SLC25A20: variants seen among roughly 807,000 people sequenced by gnomAD.
SLC25A20 encodes the protein mitochondrial carnitine/acylcarnitine carrier protein.
In SLC25A20, 29 loss-of-function variants were observed where a neutral mutation model predicts 39.7. The ratio of observed to expected loss-of-function variants is 0.73; its 90% CI spans 0.54 to 1.00. The LOEUF is 1.00. SLC25A20 is among the 50% of genes least tolerant of loss of function. The pLI, the probability that SLC25A20 is intolerant of heterozygous loss-of-function variation, is 0.00. For synonymous variants in SLC25A20, 103 were observed against 142.2 expected (o/e 0.72, Z 1.96); for missense variants, 333 against 379.9 (o/e 0.88, Z 1.03).
intron 1 of SLC25A20, among the ~76,000 whole-genome samples, chr3:48,897,365 ATAT>A (rs1413514172): frequency 5.6e-4 from 58 of 104,322 alleles, no homozygotes; most frequent in East Asian, 5.2e-3. Flanking sequence ...ATATATATAT[ATAT>A]TTTTTTTTTT....
chr3:48,874,856 G>A (rs2083742669), intron 4 of SLC25A20, among the ~76,000 whole-genome samples: 1 of 151,702 alleles, frequency 6.6e-6, no homozygotes, highest in Admixed American at 6.6e-5. Flanking sequence ...AGACCAGGCT[G>A]GCCAACATGG....
intron 2 of SLC25A20, among the ~76,000 whole-genome samples, chr3:48,887,337 A>G (rs2083836953): frequency 6.6e-6 from 1 of 152,132 alleles, no homozygotes; most frequent in Non-Finnish European, 1.5e-5. Context: ...CACAGGAAAA[A>G]CCAGGACATG....
In SLC25A20 at chr3:48,857,643, G is replaced by T; in HGVS notation, c.*67C>A. ...TTGCCCTCCAAGACTGCTTAGTTCTGCTTACTACTCCTTCTCCTCAACGAC... is the reference window on the plus strand; with the variant it reads ...TTGCCCTCCAAGACTGCTTAGTTCTTCTTACTACTCCTTCTCCTCAACGAC... On this transcript the variant is annotated 3_prime_UTR_variant, in exon 9 of 9. Coordinates refer to ENST00000319017, the MANE Select transcript of SLC25A20 (RefSeq NM_000387.6). The T allele has an allele frequency of 1.4e-6, 2 of 1,475,018 alleles. No individual in the cohort carries two copies. Among genetic ancestry groups the T allele is most frequent in the Non-Finnish European group, 1.9e-6 (2 of 1,059,976 alleles). 91.4% of individuals were successfully genotyped at this position (1,475,018 alleles called of 1,614,324 possible). A position where few individuals can be genotyped will look rare whatever the true frequency, so the allele number is the denominator to read the frequency against.
intron 4 of SLC25A20, among the ~76,000 whole-genome samples, chr3:48,871,343 T>TAA (rs752213351): frequency 7.3e-6 from 1 of 137,696 alleles, no homozygotes; most frequent in Non-Finnish European, 1.6e-5. Flanking sequence ...TGGAACAATT[T>TAA]AAAAAAAAAA....
intron 4 of SLC25A20, among the ~76,000 whole-genome samples, chr3:48,877,888 C>T (rs67060340): frequency 0.082 from 12,486 of 152,158 alleles, 620 homozygotes; most frequent in Middle Eastern, 0.11. Context: ...CCCAGGCTGA[C>T]GCGTTACACT....
chr3:48,874,374 G>A (rs1405657342), intron 4 of SLC25A20, among the ~76,000 whole-genome samples: 1 of 152,050 alleles, frequency 6.6e-6, no homozygotes, highest in Admixed American at 6.6e-5. Context: ...GCTGAGGCAG[G>A]AGGATCACTT....
intron 3 of SLC25A20, among the ~76,000 whole-genome samples, chr3:48,882,724 A>T (rs1559669790): frequency 6.6e-6 from 1 of 151,906 alleles, no homozygotes; most frequent in Non-Finnish European, 1.5e-5. Context: ...GACCATTGCT[A>T]AAAAAAATTT....
chr3:48,868,602 A>G (rs115296408), intron 4 of SLC25A20, among the ~76,000 whole-genome samples: 2,359 of 152,302 alleles, frequency 0.015, 57 homozygotes, highest in African/African-American at 0.052. Context: ...TTTACCCTGC[A>G]TATGTCAGCT....
intron 4 of SLC25A20, among the ~76,000 whole-genome samples, chr3:48,877,083 G>A (rs1177850020): frequency 6.6e-6 from 1 of 151,574 alleles, no homozygotes. Flanking sequence ...GCAACAGAGT[G>A]AGACCCTGTC....
At chr3:48,897,733 A>G (rs1268212939) in intron 1 of SLC25A20, among the ~76,000 whole-genome samples, 1 of 152,046 alleles carries the variant, frequency 6.6e-6, no homozygotes, top group East Asian at 1.9e-4. Flanking sequence ...TGTGGAAGAA[A>G]TCTGACCCAA....
intron 4 of SLC25A20, among the ~76,000 whole-genome samples, chr3:48,878,281 T>A (rs796827063): frequency 0.52 from 66,312 of 127,020 alleles, 18,013 homozygotes; most frequent in South Asian, 0.76. Flanking sequence ...AAAATATATA[T>A]ATATATATAT....
At chr3:48,893,151 C>T (rs1359279126) in intron 1 of SLC25A20, among the ~76,000 whole-genome samples, 1 of 151,980 alleles carries the variant, frequency 6.6e-6, no homozygotes, top group Non-Finnish European at 1.5e-5. Context: ...CCTCAGCCCC[C>T]CAAGCAGCTG....
chr3:48,883,133 T>C (rs1243263744), intron 3 of SLC25A20, among the ~76,000 whole-genome samples: 1 of 151,746 alleles, frequency 6.6e-6, no homozygotes, highest in Non-Finnish European at 1.5e-5. Flanking sequence ...ATGTGGAGCT[T>C]ACAGTGAGCC....
chr3:48,876,652 C>T (rs372886777), intron 4 of SLC25A20, among the ~76,000 whole-genome samples: 1 of 151,534 alleles, frequency 6.6e-6, no homozygotes, highest in Non-Finnish European at 1.5e-5. Context: ...TCTCGAACTC[C>T]TGACCTTAGT....
rs150419695 is a variant in SLC25A20 at position 48,879,411 on chromosome 3, C to T, written c.364G>A (p.Val122Ile). The T allele has an allele frequency of 3.2e-4, 513 of 1,613,892 alleles. 1 individual carries two copies. The highest frequency in any genetic ancestry group is 4.1e-4 in the Non-Finnish European group (480 of 1,179,850). ...QLFAAGMLSG[V>I]FTTGIMTPGE... ...GGAGTCATGATTCCTGTGGTGAATA[C>T]GCCAGATAACATCCCAGCTGCAAAA... Residue 122 changes from valine (V) to isoleucine (I), a missense_variant, in exon 4 of 9, where the codon GTA (valine) becomes ATA (isoleucine). Val to Ile is a conservative substitution (Grantham distance 29). Coordinates refer to ENST00000319017, the MANE Select transcript of SLC25A20 (RefSeq NM_000387.6).
At chr3:48,897,988 A>C (rs1221579914) in intron 1 of SLC25A20, among the ~76,000 whole-genome samples, 2 of 152,180 alleles carry the variant, frequency 1.3e-5, no homozygotes, top group Non-Finnish European at 2.9e-5. Flanking sequence ...CCAGAGAACA[A>C]TTCCTGATGA....
At chr3:48,876,974 T>C (rs1047940243) in intron 4 of SLC25A20, among the ~76,000 whole-genome samples, 3 of 151,850 alleles carry the variant, frequency 2.0e-5, no homozygotes, top group Non-Finnish European at 4.4e-5. Context: ...TGGGCGCCTG[T>C]AGTCCCACCT....
At chr3:48,867,649 G>A (rs187427827) in intron 4 of SLC25A20, among the ~76,000 whole-genome samples, 1 of 151,300 alleles carries the variant, frequency 6.6e-6, no homozygotes, top group Non-Finnish European at 1.5e-5. Context: ...TGATGTCAGT[G>A]GCTGAGGGAA....
At chr3:48,877,310 AG>A (rs2083765917) in intron 4 of SLC25A20, among the ~76,000 whole-genome samples, 1 of 152,162 alleles carries the variant, frequency 6.6e-6, no homozygotes, top group East Asian at 1.9e-4. Flanking sequence ...GCGATTCAGG[AG>A]GCTAAGGCAG....
Sources: allele counts gnomAD v4.1 joint callset (sites outside exome capture counted in the v4.1 genomes callset), GRCh38; gene constraint gnomAD v4.1.1; transcripts MANE v1.5; gene names NCBI Gene and HGNC (gene_info 2026-07-23, HGNC 2026-07-21).